Variants in SETD1A observed in about 807,000 individuals in gnomAD.
SETD1A encodes SET domain containing 1A, histone lysine methyltransferase.
SETD1A carries 29 observed loss-of-function variants against 149.9 expected under a neutral mutation model. That is an observed-to-expected ratio of 0.19 (90% confidence interval 0.14 to 0.26). SETD1A has a LOEUF of 0.26. Ranked by LOEUF, SETD1A falls within the 10% of genes least tolerant of loss-of-function variation. SETD1A has a pLI of 1.00. For synonymous variants in SETD1A, 1,141 were observed against 968.5 expected, an observed-to-expected ratio of 1.18 and a Z score of -3.31; for missense variants, 2,109 against 2,353.1, an observed-to-expected ratio of 0.90 and a Z score of 2.15.
chr16:30,972,334 T>C (rs1209546050), intron 13 of SETD1A, among the ~76,000 whole-genome samples: 2 of 152,156 alleles, frequency 1.3e-5, no homozygotes, highest in Non-Finnish European at 2.9e-5. Context: ...GACATCTTCA[T>C]TGAGTAAGAA....
In SETD1A at chr16:30,966,257, C is replaced by T. The variant is rs140907938; in HGVS notation, c.2376C>T (p.Gly792=). Residue 792 remains glycine, a synonymous_variant, in exon 8 of 19, where the codon GGC becomes GGT. Coordinates refer to ENST00000262519, the MANE Select transcript of SETD1A (RefSeq NM_014712.3). ...GKTLPTAGTV[G]RVLAMLVQEM... ...CCCTCCCGACAGCAGGCACCGTGGG[C>T]CGTGTGCTCGCCATGCTGGTCCAGG... 117 of 1,613,834 alleles carry T rather than the reference C, an allele frequency of 7.2e-5. No individual in the cohort carries two copies. The highest frequency in any genetic ancestry group is 9.6e-5 in the Non-Finnish European group (113 of 1,179,982).
Position 30,963,525 on chromosome 16 carries a change from T to A in SETD1A, c.610T>A (p.Phe204Ile). 3.1e-6 allele frequency: 5 copies of A among 1,613,214 alleles called. No individual in the cohort carries two copies. Among genetic ancestry groups the A allele is most frequent in the Non-Finnish European group, 4.2e-6 (5 of 1,179,558 alleles). Residue 204 changes from phenylalanine to isoleucine, a missense_variant, in exon 5 of 19, where the codon TTC becomes ATC. Physicochemically the swap from Phe to Ile is conservative, Grantham distance 21 (BLOSUM62 0). Around this residue, in one of 8 missense-constraint regions of SETD1A, gnomAD observed 410 missense variants for 394.8 expected, o/e 1.04. Transcript: ENST00000262519. ...TGGGGGCAAGGCCCTGAGTGAGAAG[T>A]TCCAAGGCTCGGGTGCAGCCACTGA... ...PTGGKALSEK[F>I]QGSGAATETA...
chr16:30,963,095 A>G (rs144806681), intron 4 of SETD1A, among the ~76,000 whole-genome samples: 19 of 152,218 alleles, frequency 1.2e-4, no homozygotes, highest in South Asian at 4.1e-4. Flanking sequence ...TTGAATTCCA[A>G]TTTTTCCAAT....
Position 30,966,149 on chromosome 16 carries a change from C to T in SETD1A, c.2268C>T (p.Ala756=), listed in dbSNP as rs370636455. 308 of 1,605,456 alleles carry T rather than the reference C, an allele frequency of 1.9e-4. No individual in the cohort carries two copies. Among genetic ancestry groups the T allele is most frequent in the Admixed American group, 1.1e-3 (66 of 59,490 alleles). Residue 756 remains alanine, a synonymous_variant, in exon 8 of 19, where the codon GCC becomes GCT. Coordinates refer to ENST00000262519, the MANE Select transcript of SETD1A (RefSeq NM_014712.3). The part of the protein sequence containing the change: ...EAYHLPMPMA[A]EPLPSSSVSG... ...ACCACCTGCCCATGCCAATGGCAGCCGAGCCCCTGCCCTCCTCCTCAGTCT... is the reference window on the plus strand; with the variant it reads ...ACCACCTGCCCATGCCAATGGCAGCTGAGCCCCTGCCCTCCTCCTCAGTCT...
At chr16:30,973,459 G>A (rs1021209113) in intron 13 of SETD1A, among the ~76,000 whole-genome samples, 3 of 152,056 alleles carry the variant, frequency 2.0e-5, no homozygotes, top group African/African-American at 7.2e-5. Flanking sequence ...TTCGAGACCG[G>A]CCTGATCAAC....
At chr16:30,972,818 C>T (rs1407245063) in intron 13 of SETD1A, among the ~76,000 whole-genome samples, 4 of 151,580 alleles carry the variant, frequency 2.6e-5, no homozygotes, top group Admixed American at 6.6e-5. Context: ...CACACCACTG[C>T]ACTCCAGCCT....
At position 30,960,730 on chromosome 16, in the gene SETD1A, CTTTTTTTTTTT is replaced by C. The variant is rs71374043; in HGVS notation, c.247-524_247-514del. Among the ~76,000 whole-genome samples, 115 of 80,542 alleles carry C rather than the reference CTTTTTTTTTTT, an allele frequency of 1.4e-3. 1 individual carries two copies. Among genetic ancestry groups the C allele is most frequent in the Non-Finnish European group, 2.2e-3 (92 of 41,398 alleles). The allele number at this position is 80,542 out of a possible 152,430, so 52.8% of individuals were successfully genotyped here. A position where few individuals can be genotyped will look rare whatever the true frequency, so the allele number is the denominator to read the frequency against. ...AGTGTGTACATTTCTTTCTTTCTTT[CTTTTTTTTTTT>C]TTTTTTTTTTTTGAGACGGAGTCTC... is the stretch of plus-strand genomic sequence containing the variant. On this transcript the variant is annotated intron_variant, in intron 3 of 18. Coordinates refer to ENST00000262519, the MANE Select transcript of SETD1A (RefSeq NM_014712.3).
At position 30,979,579 on chromosome 16, in the gene SETD1A, C is replaced by T. The variant is rs747685156; in HGVS notation, c.3793C>T (p.Arg1265Trp). The change falls in exon 14 of 19, where the codon CGG becomes TGG. Residue 1265 changes from arginine to tryptophan, a missense_variant. By Grantham distance (101) the Arg-to-Trp change is moderately radical. Around this residue, in one of 8 missense-constraint regions of SETD1A, gnomAD observed 832 missense variants for 815.6 expected, o/e 1.02. Coordinates refer to ENST00000262519, the MANE Select transcript of SETD1A (RefSeq NM_014712.3). ...GGCCGACCTGGCCCTGACCCCTGCC[C>T]GGCGCGGGCTGCCTGCCCTGCCTGC... ...VLADLALTPA[R>W]RGLPALPAVE... 39 of 1,610,210 alleles carry T rather than the reference C, an allele frequency of 2.4e-5. No individual in the cohort carries two copies. The highest frequency in any genetic ancestry group is 5.5e-5 in the South Asian group (5 of 91,004).
rs2056143002 is a variant in SETD1A at position 30,966,152 on chromosome 16, G to A, written c.2271G>A (p.Glu757=). 5 of 1,606,822 alleles carry A rather than the reference G, an allele frequency of 3.1e-6. No individual in the cohort carries two copies. The African/African-American group carries it at 5.3e-5, about 17-fold the overall frequency. ...AYHLPMPMAA[E]PLPSSSVSGE... ...ACCTGCCCATGCCAATGGCAGCCGA[G>A]CCCCTGCCCTCCTCCTCAGTCTCGG... The change falls in exon 8 of 19, where the codon GAG becomes GAA. Residue 757 remains glutamate (E), a synonymous_variant. Coordinates refer to ENST00000262519, the MANE Select transcript of SETD1A (RefSeq NM_014712.3).
rs746982650 is a variant in SETD1A at position 30,981,120 on chromosome 16, C to T, written c.4752C>T (p.Ala1584=). ...RSRIHEWGLF[A]MEPIAADEMV... ...GGATCCACGAGTGGGGTCTGTTTGCCATGGAACCCATTGCTGCTGACGAGA... is the reference window on the plus strand; with the variant it reads ...GGATCCACGAGTGGGGTCTGTTTGCTATGGAACCCATTGCTGCTGACGAGA... Residue 1584 remains alanine (A), a synonymous_variant, in exon 17 of 19, where the codon GCC becomes GCT. Transcript: ENST00000262519. The T allele has an allele frequency of 3.7e-6, 6 of 1,614,176 alleles. No individual in the cohort carries two copies. The South Asian group carries it at 5.5e-5, about 15-fold the overall frequency.
intron 13 of SETD1A, among the ~76,000 whole-genome samples, chr16:30,977,824 G>A (rs1031124826): frequency 5.3e-5 from 8 of 152,232 alleles, no homozygotes; most frequent in South Asian, 2.1e-4. Context: ...TGGTGCCGGC[G>A]GCCCTGTTGG....
chr16:30,968,755 T>C lies in SETD1A; in HGVS notation c.2771-550T>C, dbSNP rs548650629. 2.0e-5 allele frequency among the ~76,000 whole-genome samples: 3 copies of C among 151,698 alleles called. No individual in the cohort carries two copies. The South Asian group carries it at 6.3e-4, about 32-fold the overall frequency. On this transcript the variant is annotated intron_variant, in intron 10 of 18. Transcript: ENST00000262519. ...GGCAGAGGCTGCTGTGAGCTGAGAT[T>C]GTGCCACTGCACTCCAGCCTGGCGA...
At chr16:30,964,511 T>C in intron 6 of SETD1A, 101 bp from the exon 7 acceptor site, 1 of 1,529,666 alleles carries the variant, frequency 6.5e-7, no homozygotes. Flanking sequence ...TAGCTCTTCT[T>C]TTGGAGGGCA....
Position 30,965,823 on chromosome 16 carries a change from C to G in SETD1A, c.1942C>G (p.Pro648Ala). ...PDGPPPPEYP[P>A]PPPPPPHIYD... ...TGGGCCGCCGCCCCCTGAGTACCCC[C>G]CACCTCCTCCACCACCCCCGCACAT... is the stretch of plus-strand genomic sequence containing the variant. Residue 648 changes from proline to alanine, a missense_variant, in exon 8 of 19, where the codon CCA becomes GCA. Pro to Ala is a conservative substitution (Grantham distance 27). Transcript: ENST00000262519. 1 of 1,600,644 alleles carries G rather than the reference C, an allele frequency of 6.2e-7. No homozygotes were observed. The highest frequency in any genetic ancestry group is 8.5e-7 in the Non-Finnish European group (1 of 1,172,132).
intron 11 of SETD1A, 69 bp downstream of exon 11, chr16:30,969,531 C>T (rs1464117098): frequency 1.5e-5 from 24 of 1,600,338 alleles, no homozygotes; most frequent in Non-Finnish European, 1.9e-5. Context: ...TGGTTGGAGC[C>T]CAGGCAGCTG....
chr16:30,978,441 C>T (rs1025776679), intron 13 of SETD1A, among the ~76,000 whole-genome samples: 1 of 152,084 alleles, frequency 6.6e-6, no homozygotes, highest in African/African-American at 2.4e-5. Flanking sequence ...GATGCACTCC[C>T]CGTCCTGAGG....
Position 30,965,351 on chromosome 16 carries a change from G to A in SETD1A, c.1609G>A (p.Gly537Arg), listed in dbSNP as rs1255379962. Residue 537 changes from glycine (G) to arginine (R), a missense_variant, in exon 7 of 19, where the codon GGG becomes AGG. Transcript: ENST00000262519. Reference protein sequence around the residue: ...GSEVPSGSGHGPCTPPPAPAN... With the variant: ...GSEVPSGSGHRPCTPPPAPAN... Reference sequence around the variant, plus strand: ...TGAGGTGCCTTCTGGGTCAGGGCATGGGCCCTGCACACCCCCTCCGGCCCC... The same window carrying A: ...TGAGGTGCCTTCTGGGTCAGGGCATAGGCCCTGCACACCCCCTCCGGCCCC... 6.2e-7 allele frequency: 1 copy of A among 1,614,118 alleles called. No individual in the cohort carries two copies. The highest frequency in any genetic ancestry group is 1.1e-5 in the South Asian group (1 of 91,086).
chr16:30,958,707 C>T lies in SETD1A; in HGVS notation c.-15-10C>T, dbSNP rs543763995. 9.9e-6 allele frequency: 16 copies of T among 1,613,072 alleles called. 1 individual carries two copies. The highest frequency in any genetic ancestry group is 3.3e-4 in the Middle Eastern group (2 of 6,060). Reference sequence around the variant, plus strand: ...CTGATCCTTCTTGCGTGTCCCTCTTCCCCTAACAGTGTAAATGAGCAAAGA... The same window carrying T: ...CTGATCCTTCTTGCGTGTCCCTCTTTCCCTAACAGTGTAAATGAGCAAAGA... On this transcript the variant is annotated splice_polypyrimidine_tract_variant and intron_variant, in intron 1 of 18. Coordinates refer to ENST00000262519, the MANE Select transcript of SETD1A (RefSeq NM_014712.3).
chr16:30,981,072 G>A lies in SETD1A; in HGVS notation c.4704G>A (p.Lys1568=). The change falls in exon 17 of 19, where the codon AAG becomes AAA. Residue 1568 remains lysine, a synonymous_variant. Coordinates refer to ENST00000262519, the MANE Select transcript of SETD1A (RefSeq NM_014712.3). ...CTTCTGCCCCCCAGTTCCGGAAGAAGAAGCTCCGATTTGGCCGGAGCCGGA... is the reference window on the plus strand; with the variant it reads ...CTTCTGCCCCCCAGTTCCGGAAGAAAAAGCTCCGATTTGGCCGGAGCCGGA... ...LKLNQLKFRK[K]KLRFGRSRIH... 2 of 1,614,206 alleles carry A rather than the reference G, an allele frequency of 1.2e-6. No individual in the cohort carries two copies. Among genetic ancestry groups the A allele is most frequent in the Non-Finnish European group, 1.7e-6 (2 of 1,180,022 alleles).
Sources: allele counts gnomAD v4.1 joint callset (sites outside exome capture counted in the v4.1 genomes callset), GRCh38; gene constraint gnomAD v4.1.1; regional missense constraint gnomAD v4.1.1; transcripts MANE v1.5; gene names NCBI Gene and HGNC (gene_info 2026-07-23, HGNC 2026-07-21).